CHIC1: variants seen among roughly 807,000 people sequenced by gnomAD.
CHIC1 encodes cysteine rich hydrophobic domain 1.
CHIC1 carries 7 observed loss-of-function variants against 18.5 expected under a neutral mutation model. The ratio of observed to expected loss-of-function variants is 0.38; its 90% CI spans 0.22 to 0.71. CHIC1 has a LOEUF of 0.71. Ranked by LOEUF, CHIC1 falls within the 30% of genes least tolerant of loss-of-function variation. CHIC1 has a pLI of 0.49. For missense variants in CHIC1, 159 were observed against 176.9 expected (o/e 0.90, Z 0.57); for synonymous variants, 77 against 73.5 (o/e 1.05, Z -0.25).
Position 73,600,351 on chromosome X carries a change from C to T in CHIC1, c.507+15779C>T, listed in dbSNP as rs1418160864. Among the ~76,000 whole-genome samples, 77 of 96,278 alleles carry T rather than the reference C, an allele frequency of 8.0e-4. 7 individuals carry two copies. Among genetic ancestry groups the T allele is most frequent in the African/African-American group, 3.2e-3 (76 of 23,642 alleles). 83.6% of individuals were successfully genotyped at this position (96,278 alleles called of 115,157 possible). ...TCCTTCTCCTGCCTGATTGCCCTGG[C>T]CAGAACTTCCAACACTATGTTGAAT... On this transcript the variant is annotated intron_variant, in intron 3 of 5. Coordinates refer to ENST00000373502, the MANE Select transcript of CHIC1 (RefSeq NM_001039840.4).
intron 3 of CHIC1, among the ~76,000 whole-genome samples, chrX:73,672,639 G>C (rs2058037794): frequency 8.9e-6 from 1 of 112,065 alleles, no homozygotes; most frequent in Admixed American, 9.4e-5. Context: ...AAATTTGTTT[G>C]AGTTCAATGT....
chrX:73,628,152 A>G (rs1269016174), intron 3 of CHIC1, among the ~76,000 whole-genome samples: 1 of 111,324 alleles, frequency 9.0e-6, no homozygotes, highest in East Asian at 2.9e-4. Context: ...TGGCTAAGAT[A>G]GTATCCAAGA....
At chrX:73,677,972 T>C (rs1264382684) in intron 3 of CHIC1, among the ~76,000 whole-genome samples, 4 of 109,186 alleles carry the variant, frequency 3.7e-5, no homozygotes, top group Non-Finnish European at 5.7e-5. Context: ...TGGAAAATTA[T>C]TGTGTCCTTT....
At chrX:73,671,904 A>T (rs2058032788) in intron 3 of CHIC1, among the ~76,000 whole-genome samples, 1 of 109,848 alleles carries the variant, frequency 9.1e-6, no homozygotes, top group South Asian at 3.9e-4. Context: ...ATATCTCCTA[A>T]TGCTATCCCT....
intron 2 of CHIC1, among the ~76,000 whole-genome samples, chrX:73,583,010 G>A (rs1282828610): frequency 1.8e-5 from 2 of 110,805 alleles, no homozygotes; most frequent in Non-Finnish European, 3.8e-5. Context: ...TAGAAATTTT[G>A]CCATTTAATT....
intron 3 of CHIC1, among the ~76,000 whole-genome samples, chrX:73,619,161 C>T (rs371708477): frequency 6.3e-5 from 7 of 111,733 alleles, no homozygotes; most frequent in African/African-American, 2.0e-4. Flanking sequence ...GGCTGTCTCC[C>T]GGGGTATGCA....
chrX:73,675,153 G>C (rs760180576), intron 3 of CHIC1, among the ~76,000 whole-genome samples: 5 of 106,917 alleles, frequency 4.7e-5, no homozygotes, highest in Admixed American at 4.0e-4. Context: ...CTTTACTTCC[G>C]TGTGGTCAGT....
intron 3 of CHIC1, among the ~76,000 whole-genome samples, chrX:73,643,738 T>C (rs1373043303): frequency 8.0e-5 from 9 of 112,157 alleles, no homozygotes; most frequent in Non-Finnish European, 1.5e-4. Flanking sequence ...TAAGGACTTC[T>C]CTGCATTGGT....
chrX:73,601,479 G>T (rs984292348), intron 3 of CHIC1, among the ~76,000 whole-genome samples: 2 of 106,083 alleles, frequency 1.9e-5, no homozygotes, highest in African/African-American at 3.7e-5. Flanking sequence ...ATAACGAAAT[G>T]AAGGCAGAAA....
At chrX:73,676,745 C>G (rs1423567310) in intron 3 of CHIC1, among the ~76,000 whole-genome samples, 3 of 112,117 alleles carry the variant, frequency 2.7e-5, no homozygotes, top group Non-Finnish European at 5.6e-5. Context: ...CAAAGTCATT[C>G]TCTGTTCAGC....
intron 3 of CHIC1, among the ~76,000 whole-genome samples, chrX:73,601,744 A>C (rs1227864784): frequency 9.4e-6 from 1 of 105,827 alleles, no homozygotes. Context: ...GACACAAAAA[A>C]CCCTTCAAAA....
intron 3 of CHIC1, among the ~76,000 whole-genome samples, chrX:73,649,769 TAGAC>T (rs1403509044): frequency 1.8e-5 from 2 of 111,683 alleles, no homozygotes; most frequent in African/African-American, 3.3e-5. Context: ...CTATCAATAT[TAGAC>T]AGATCAACAA....
intron 3 of CHIC1, among the ~76,000 whole-genome samples, chrX:73,632,962 G>T (rs1202683216): frequency 9.3e-6 from 1 of 107,473 alleles, no homozygotes; most frequent in African/African-American, 3.4e-5. Flanking sequence ...TTGAGATGGG[G>T]TTTCACCGTG....
intron 3 of CHIC1, among the ~76,000 whole-genome samples, chrX:73,595,952 T>C (rs1483211116): frequency 8.9e-6 from 1 of 112,089 alleles, no homozygotes; most frequent in African/African-American, 3.2e-5. Context: ...TTCATATGTT[T>C]CTTGGCTTCA....
At chrX:73,604,383 A>G (rs2057668482) in intron 3 of CHIC1, among the ~76,000 whole-genome samples, 1 of 103,138 alleles carries the variant, frequency 9.7e-6, no homozygotes, top group South Asian at 4.2e-4. Context: ...TAATGTGTCT[A>G]TTTTCCTCTT....
At chrX:73,619,402 T>C (rs2057748672) in intron 3 of CHIC1, among the ~76,000 whole-genome samples, 2 of 111,128 alleles carry the variant, frequency 1.8e-5, no homozygotes, top group African/African-American at 3.3e-5. Flanking sequence ...TTCAGTGTTA[T>C]TGATCAGTAA....
intron 3 of CHIC1, among the ~76,000 whole-genome samples, chrX:73,672,589 G>A (rs1300863341): frequency 8.9e-6 from 1 of 112,138 alleles, no homozygotes; most frequent in Non-Finnish European, 1.9e-5. Context: ...GTCTGTTCAT[G>A]TCCTTCGCCC....
Position 73,673,021 on chromosome X carries a change from A to G in CHIC1, c.508-6305A>G, listed in dbSNP as rs190376229. On this transcript the variant is annotated intron_variant, in intron 3 of 5. Coordinates refer to ENST00000373502, the MANE Select transcript of CHIC1 (RefSeq NM_001039840.4). ...TTCCCAGCACCATTTATTAAATAGG[A>G]AATCCTTTCCCCATTGTTTGTTTTT... 5.4e-3 allele frequency among the ~76,000 whole-genome samples: 606 copies of G among 111,645 alleles called. 8 individuals are homozygous for G. The highest frequency in any genetic ancestry group is 0.019 in the African/African-American group (569 of 30,642).
intron 3 of CHIC1, among the ~76,000 whole-genome samples, chrX:73,636,245 C>T (rs1228898798): frequency 3.6e-5 from 4 of 110,743 alleles, no homozygotes; most frequent in Admixed American, 9.6e-5. Context: ...GTATTTAATC[C>T]AAAGTGAGTC....
Sources: gnomAD v4.1 joint callset for allele counts (sites outside exome capture counted in the v4.1 genomes callset) on GRCh38, gnomAD v4.1.1 for gene constraint, MANE v1.5 for transcripts, NCBI Gene and HGNC (gene_info 2026-07-23, HGNC 2026-07-21) for gene names.